The following PDCD7 variants were observed in gnomAD, a reference collection of about 807,000 sequenced individuals.
The protein encoded by PDCD7 is programmed cell death 7, also known as programmed cell death protein 7.
PDCD7 carries 40 observed loss-of-function variants against 42.1 expected under a neutral mutation model. That is an observed-to-expected ratio of 0.95 (90% CI 0.74 to 1.24). PDCD7 has a LOEUF of 1.24. Ranked by LOEUF, PDCD7 falls within the 50% of genes most tolerant of loss-of-function variation. The pLI, the probability that PDCD7 is intolerant of heterozygous loss-of-function variation, is 0.00. For synonymous variants in PDCD7, 299 were observed against 303.3 expected (o/e 0.99, Z 0.15); for missense variants, 644 against 662.8 (o/e 0.97, Z 0.31).
chr15:65,126,604 A>C (rs1005709605), intron 2 of PDCD7, among the ~76,000 whole-genome samples: 1 of 151,872 alleles, frequency 6.6e-6, no homozygotes, highest in Non-Finnish European at 1.5e-5. Context: ...AAATTTAAAA[A>C]TTAGCCAGGT....
intron 1 of PDCD7, among the ~76,000 whole-genome samples, chr15:65,131,516 A>G (rs2087539571): frequency 6.6e-6 from 1 of 152,182 alleles, no homozygotes; most frequent in South Asian, 2.1e-4. Context: ...TGGCAGGCTG[A>G]GGCGGGTGGA....
intron 1 of PDCD7, among the ~76,000 whole-genome samples, chr15:65,131,229 A>G (rs899309747): frequency 2.0e-5 from 3 of 152,150 alleles, no homozygotes; most frequent in Admixed American, 6.5e-5. Flanking sequence ...CATGGAAGGG[A>G]TCTAGGTTGT....
rs376081524 is a variant in PDCD7, at chr15:65,132,083, T to C, written c.870+829A>G. Among the ~76,000 whole-genome samples the C allele has an allele frequency of 1.5e-3, 213 of 141,464 alleles. 1 individual carries two copies. The highest frequency in any genetic ancestry group is 2.3e-3 in the Admixed American group (31 of 13,638). 92.8% of individuals were successfully genotyped at this position (141,464 alleles called of 152,430 possible). A position where few individuals can be genotyped will look rare whatever the true frequency, so the allele number is the denominator to read the frequency against. On this transcript the variant is annotated intron_variant, in intron 1 of 4. Coordinates refer to ENST00000204549, the MANE Select transcript of PDCD7 (RefSeq NM_005707.2). ...ACACATACACATACATACATATATATACACATACATATATGTATGTGTATA... is the reference window on the plus strand; with the variant it reads ...ACACATACACATACATACATATATACACACATACATATATGTATGTGTATA...
In PDCD7 at chr15:65,119,649, G is replaced by C; in HGVS notation, c.1246+69C>G. ...TGTTGCCTACCACCTCTTAGCTTGAGATCACCCGTGATGAGAAGAGCGTCA... is the reference window on the plus strand; with the variant it reads ...TGTTGCCTACCACCTCTTAGCTTGACATCACCCGTGATGAGAAGAGCGTCA... On this transcript the variant is annotated intron_variant, in intron 3 of 4. Coordinates refer to ENST00000204549, the MANE Select transcript of PDCD7 (RefSeq NM_005707.2). 2.7e-6 allele frequency: 4 copies of C among 1,505,400 alleles called. No homozygotes were observed. The South Asian group carries it at 3.8e-5, about 14-fold the overall frequency. The allele number at this position is 1,505,400 out of a possible 1,614,324, so 93.3% of individuals were successfully genotyped here.
At chr15:65,127,983 C>G (rs12438475) in intron 2 of PDCD7, among the ~76,000 whole-genome samples, 9,131 of 152,266 alleles carry the variant, frequency 0.06, 462 homozygotes, top group Admixed American at 0.15. Context: ...TTTCTGAGGT[C>G]TGGATGTGAA....
At chr15:65,125,083 G>T (rs2087485377) in intron 2 of PDCD7, among the ~76,000 whole-genome samples, 1 of 152,154 alleles carries the variant, frequency 6.6e-6, no homozygotes, top group Non-Finnish European at 1.5e-5. Context: ...AGAGAAAACA[G>T]GCCAGCAGAC....
At chr15:65,122,858 C>G (rs574836868) in intron 2 of PDCD7, among the ~76,000 whole-genome samples, 43 of 151,870 alleles carry the variant, frequency 2.8e-4, no homozygotes, top group Admixed American at 5.9e-4. Flanking sequence ...AAAAATTAGC[C>G]GGGCGTGGTG....
chr15:65,121,186 T>G (rs552593959), intron 2 of PDCD7, among the ~76,000 whole-genome samples: 71 of 151,788 alleles, frequency 4.7e-4, no homozygotes, highest in African/African-American at 1.7e-3. Flanking sequence ...GCCTCCTGAG[T>G]AGCTGGGATT....
chr15:65,129,552 G>A (rs1178929352), intron 1 of PDCD7, among the ~76,000 whole-genome samples: 1 of 152,180 alleles, frequency 6.6e-6, no homozygotes, highest in East Asian at 1.9e-4. Flanking sequence ...GAAGGATAAG[G>A]AATGTGGCTG....
Position 65,132,975 on chromosome 15 carries a change from T to C in PDCD7, c.807A>G (p.Glu269=). ...TCCAGCGGTCAATCTCCTGCTCGCG[T>C]TCCACTGCCCGCGCGGCCTCTGCCT... ...EREAEAARAV[E]REQEIDRWRV... The change falls in exon 1 of 5, where the codon GAA becomes GAG. Residue 269 remains glutamate (E), a synonymous_variant. Coordinates refer to ENST00000204549, the MANE Select transcript of PDCD7 (RefSeq NM_005707.2). 2 of 1,606,052 alleles carry C rather than the reference T, an allele frequency of 1.2e-6. No homozygotes were observed. Among genetic ancestry groups the C allele is most frequent in the Non-Finnish European group, 1.7e-6 (2 of 1,179,784 alleles).
intron 1 of PDCD7, among the ~76,000 whole-genome samples, chr15:65,130,152 CTCT>C (rs2087527551): frequency 7.0e-6 from 1 of 143,340 alleles, no homozygotes; most frequent in African/African-American, 2.6e-5. Context: ...GCCCCCAACC[CTCT>C]TTTTTTTTTT....
At chr15:65,123,102 T>G (rs114037638) in intron 2 of PDCD7, among the ~76,000 whole-genome samples, 2 of 152,176 alleles carry the variant, frequency 1.3e-5, no homozygotes, top group South Asian at 4.1e-4. Flanking sequence ...AAAAAAGCTA[T>G]ATATTTGCTC....
intron 2 of PDCD7, among the ~76,000 whole-genome samples, chr15:65,128,435 A>G (rs1458327713): frequency 6.6e-6 from 1 of 152,180 alleles, no homozygotes; most frequent in Admixed American, 6.6e-5. Flanking sequence ...CAATTGGGTA[A>G]CTTCTAGAAA....
At chr15:65,126,495 C>T (rs946222634) in intron 2 of PDCD7, among the ~76,000 whole-genome samples, 2 of 152,090 alleles carry the variant, frequency 1.3e-5, no homozygotes, top group East Asian at 3.9e-4. Flanking sequence ...GGCTCACACC[C>T]TTAATCCTAG....
At chr15:65,128,962 AT>A in intron 2 of PDCD7, 69 bp downstream of exon 2, 1 of 1,538,566 alleles carries the variant, frequency 6.5e-7, no homozygotes, top group African/African-American at 1.4e-5. Flanking sequence ...CCTCAATAAT[AT>A]TTGGGGTGGG....
At chr15:65,125,892 T>C (rs1046203467) in intron 2 of PDCD7, among the ~76,000 whole-genome samples, 5 of 152,176 alleles carry the variant, frequency 3.3e-5, no homozygotes, top group African/African-American at 4.8e-5. Flanking sequence ...TTCACAATCA[T>C]GGCGGAAGGT....
At chr15:65,128,933 G>T in intron 2 of PDCD7, 99 bp downstream of exon 2, 1 of 1,369,380 alleles carries the variant, frequency 7.3e-7, no homozygotes, top group East Asian at 2.3e-5. Flanking sequence ...TGAAAATCAT[G>T]AAGTTTCAAG....
intron 2 of PDCD7, among the ~76,000 whole-genome samples, chr15:65,124,091 G>A (rs954814584): frequency 3.3e-5 from 5 of 152,034 alleles, no homozygotes; most frequent in Admixed American, 6.6e-5. Context: ...GCCCCTCACT[G>A]ATCACTCCCT....
At chr15:65,123,336 T>C (rs1433332991) in intron 2 of PDCD7, among the ~76,000 whole-genome samples, 1 of 152,090 alleles carries the variant, frequency 6.6e-6, no homozygotes, top group Non-Finnish European at 1.5e-5. Context: ...TACAGGCATG[T>C]GCCACCATTC....
Sources: allele counts gnomAD v4.1 joint callset (sites outside exome capture counted in the v4.1 genomes callset), GRCh38; gene constraint gnomAD v4.1.1; transcripts MANE v1.5; gene names NCBI Gene and HGNC (gene_info 2026-07-23, HGNC 2026-07-21).